RNF220: variants seen among roughly 807,000 people sequenced by gnomAD.
RNF220 encodes E3 ubiquitin-protein ligase RNF220.
A neutral mutation model predicts 67.1 loss-of-function variants in RNF220; 7 were observed. That is an observed-to-expected ratio of 0.10 (90% CI 0.06 to 0.20). The LOEUF (loss-of-function observed/expected upper bound fraction) is 0.20. Among genes scored for constraint, RNF220 ranks in the 10% least tolerant of loss-of-function variants. The pLI is 1.00. For missense variants in RNF220, 565 were observed against 740.3 expected, an observed-to-expected ratio of 0.76 and a Z score of 2.75; for synonymous variants, 270 against 283.2, an observed-to-expected ratio of 0.95 and a Z score of 0.47.
At position 44,645,772 on chromosome 1, in the gene RNF220, T is replaced by TGA. The variant is rs1644626298; in HGVS notation, c.1445+285_1445+286dup. On this transcript the variant is annotated intron_variant, in intron 12 of 14. Coordinates refer to ENST00000361799, the MANE Select transcript of RNF220 (RefSeq NM_018150.4). The surrounding 1 kb of genome is among the most constrained non-coding windows in gnomAD (Gnocchi z 5.0). ...TGCGGCGGCCTTCGCCCGGGGAATG[T>TGA]GATGTATGGCCGCCCAGCCCAGCCG... Among the ~76,000 whole-genome samples the TGA allele has an allele frequency of 6.6e-6, 1 of 152,272 alleles. No individual in the cohort carries two copies. Among genetic ancestry groups the TGA allele is most frequent in the South Asian group, 2.1e-4 (1 of 4,836 alleles).
chr1:44,645,367 G>C lies in RNF220; in HGVS notation c.1367-43G>C. 1 of 1,613,402 alleles carries C rather than the reference G, an allele frequency of 6.2e-7. No homozygotes were observed. The highest frequency in any genetic ancestry group is 8.5e-7 in the Non-Finnish European group (1 of 1,179,354). The stretch of plus-strand genomic sequence containing the variant: ...TCAAGCCCAACCCCTCACCTGTGCT[G>C]CCCAGTCTGGCCGGAGTGTGAGTTG... On this transcript the variant is annotated intron_variant, in intron 11 of 14. Coordinates refer to ENST00000361799, the MANE Select transcript of RNF220 (RefSeq NM_018150.4). This position sits in a 1 kb window ranked among gnomAD's most constrained non-coding sequence, Gnocchi z 5.0.
rs74070488 is a variant in RNF220, at chr1:44,409,554, C to T, written c.-117-2427C>T. Among the ~76,000 whole-genome samples the T allele has an allele frequency of 3.1e-3, 471 of 152,304 alleles. 1 individual carries two copies. Among genetic ancestry groups the T allele is most frequent in the African/African-American group, 0.011 (439 of 41,548 alleles). On this transcript the variant is annotated intron_variant, in intron 1 of 14. Coordinates refer to ENST00000361799, the MANE Select transcript of RNF220 (RefSeq NM_018150.4). Reference sequence around the variant, plus strand: ...ACTAAAATTAATGTCAATTCCACTGCTCGGATCAATAGCTGGAGTTATTTT... The same window carrying T: ...ACTAAAATTAATGTCAATTCCACTGTTCGGATCAATAGCTGGAGTTATTTT...
chr1:44,405,613 TG>T, intron 1 of RNF220, 83 bp downstream of exon 1: 2 of 283,914 alleles, frequency 7.0e-6, no homozygotes, highest in Non-Finnish European at 6.6e-6. Context: ...TTCAGGAACC[TG>T]GCTAACTTTC....
At chr1:44,521,223 C>T (rs1265577886) in intron 2 of RNF220, among the ~76,000 whole-genome samples, 1 of 152,140 alleles carries the variant, frequency 6.6e-6, no homozygotes, top group Non-Finnish European at 1.5e-5. Context: ...AATTCCTGCA[C>T]CTGGATCTAA....
chr1:44,450,021 G>T (rs1219181979), intron 2 of RNF220, among the ~76,000 whole-genome samples: 1 of 152,156 alleles, frequency 6.6e-6, no homozygotes, highest in Non-Finnish European at 1.5e-5. Flanking sequence ...AGACCAGCCT[G>T]ACCAACAGAG....
rs556789345 is a variant in RNF220 at position 44,460,105 on chromosome 1, T to G, written c.625+47383T>G. 3.9e-5 allele frequency among the ~76,000 whole-genome samples: 6 copies of G among 152,222 alleles called. No homozygotes were observed. The East Asian group carries it at 5.8e-4, about 15-fold the overall frequency. ...TTATAGCTTAATCCCAACGGGAAAGTTCAGGGAGTCAGTGCAGAACACCCA... is the reference window on the plus strand; with the variant it reads ...TTATAGCTTAATCCCAACGGGAAAGGTCAGGGAGTCAGTGCAGAACACCCA... On this transcript the variant is annotated intron_variant, in intron 2 of 14. Transcript: ENST00000361799.
At chr1:44,596,559 C>T (rs1279773814) in intron 2 of RNF220, among the ~76,000 whole-genome samples, 1 of 148,186 alleles carries the variant, frequency 6.7e-6, no homozygotes. Context: ...GATTCTGTCT[C>T]CAAAAAAAAA....
At chr1:44,632,510 A>G (rs980767298) in intron 6 of RNF220, 125 bp downstream of exon 6, 24 of 941,786 alleles carry the variant, frequency 2.5e-5, no homozygotes, top group Non-Finnish European at 3.6e-5. Context: ...CTTCGCAGTC[A>G]CGGCGCCTGA....
At chr1:44,555,393 C>G (rs1662990864) in intron 2 of RNF220, among the ~76,000 whole-genome samples, 1 of 151,832 alleles carries the variant, frequency 6.6e-6, no homozygotes. Flanking sequence ...TCTGACCCCA[C>G]CTACCTGCCC....
intron 1 of RNF220, among the ~76,000 whole-genome samples, chr1:44,406,858 C>T (rs1245753130): frequency 1.3e-5 from 2 of 152,264 alleles, no homozygotes; most frequent in Non-Finnish European, 2.9e-5. Flanking sequence ...AGGGGATGCC[C>T]GGTTCATCCC....
chr1:44,483,605 T>A (rs184946801), intron 2 of RNF220, among the ~76,000 whole-genome samples: 2 of 151,882 alleles, frequency 1.3e-5, no homozygotes, highest in East Asian at 3.9e-4. Context: ...CTTGAAGAAC[T>A]CCTGAGCTAG....
chr1:44,513,453 G>A (rs1659195576), intron 2 of RNF220, among the ~76,000 whole-genome samples: 1 of 151,660 alleles, frequency 6.6e-6, no homozygotes, highest in African/African-American at 2.4e-5. Context: ...TTTCAGAGTT[G>A]ACAGGGGCCA....
chr1:44,484,628 C>G (rs537210766), intron 2 of RNF220, among the ~76,000 whole-genome samples: 1 of 152,220 alleles, frequency 6.6e-6, no homozygotes, highest in African/African-American at 2.4e-5. Context: ...CTGTTTTGAA[C>G]AGAATGGGAG....
upstream of RNF220, chr1:44,405,059 A>G (rs1018007661): frequency 6.9e-5 from 11 of 158,672 alleles, no homozygotes; most frequent in Non-Finnish European, 8.3e-5. Context: ...AAGACTTCCA[A>G]GCTCTTTGGT....
chr1:44,540,649 C>T (rs1661601365), intron 2 of RNF220, among the ~76,000 whole-genome samples: 1 of 152,148 alleles, frequency 6.6e-6, no homozygotes, highest in African/African-American at 2.4e-5. Flanking sequence ...CTGCAAACTG[C>T]CTACATTTGA....
At position 44,640,865 on chromosome 1, in the gene RNF220, C is replaced by T. The variant is rs117339895; in HGVS notation, c.1127-3833C>T. ...GCCCTCCGTGTTGGAGAGCACAGGC[C>T]CCTGGAGGGCCCCGAGACGTTTCCT... On this transcript the variant is annotated intron_variant, in intron 8 of 14. Transcript: ENST00000361799. Among the ~76,000 whole-genome samples, 49 of 152,266 alleles carry T rather than the reference C, an allele frequency of 3.2e-4. No homozygotes were observed. In the East Asian group the frequency reaches 9.4e-3, roughly 29 times the overall value.
chr1:44,423,449 C>T (rs528733695), intron 2 of RNF220, among the ~76,000 whole-genome samples: 21 of 152,162 alleles, frequency 1.4e-4, no homozygotes, highest in Non-Finnish European at 2.6e-4. Flanking sequence ...CTCTGAGGCT[C>T]ATCATCATCT....
chr1:44,446,808 C>T (rs563152351), intron 2 of RNF220, among the ~76,000 whole-genome samples: 2 of 152,154 alleles, frequency 1.3e-5, no homozygotes, highest in East Asian at 1.9e-4. Flanking sequence ...CTGCCCACCT[C>T]GGCCTCCCAA....
At chr1:44,425,186 G>GT (rs1405489146) in intron 2 of RNF220, among the ~76,000 whole-genome samples, 3 of 152,136 alleles carry the variant, frequency 2.0e-5, no homozygotes, top group Non-Finnish European at 2.9e-5. Flanking sequence ...GGGGTTTTGG[G>GT]TACCTGCACA....
Sources: gnomAD v4.1 joint callset for allele counts (sites outside exome capture counted in the v4.1 genomes callset) on GRCh38, gnomAD v4.1.1 for gene constraint, Gnocchi (gnomAD v3.1) non-coding constraint, MANE v1.5 for transcripts, NCBI Gene and HGNC (gene_info 2026-07-23, HGNC 2026-07-21) for gene names.